Variants in CLEC4C observed in about 807,000 individuals in gnomAD.
CLEC4C encodes C-type lectin domain family 4 member C, also known as C-type (calcium dependent, carbohydrate-recognition domain) lectin, superfamily member 11.
Under a neutral mutation model 27.7 loss-of-function variants are expected in CLEC4C, and 17 were observed. That is an observed-to-expected ratio of 0.61 (90% CI 0.42 to 0.92). CLEC4C has a LOEUF of 0.92. CLEC4C is among the 40% of genes least tolerant of loss of function. The pLI is 0.00. For synonymous variants in CLEC4C, 80 were observed against 80.8 expected (o/e 0.99, Z 0.06); for missense variants, 244 against 257.3 (o/e 0.95, Z 0.35).
chr12:7,748,642 C>T, upstream of CLEC4C, among the ~76,000 whole-genome samples: 1 of 152,132 alleles, frequency 6.6e-6, no homozygotes, highest in East Asian at 1.9e-4. Flanking sequence ...TGTTTGGTCT[C>T]TTGTCTACCT....
At chr12:7,735,740 T>C (rs1163953351) in intron 4 of CLEC4C, among the ~76,000 whole-genome samples, 7 of 150,274 alleles carry the variant, frequency 4.7e-5, no homozygotes, top group Non-Finnish European at 5.9e-5. Context: ...GAGGTGGAGG[T>C]TGCAGTGAGC....
At chr12:7,731,941 G>A (rs753164391) in intron 4 of CLEC4C, among the ~76,000 whole-genome samples, 5 of 152,288 alleles carry the variant, frequency 3.3e-5, no homozygotes, top group Admixed American at 3.3e-4. Context: ...GTGACAGAAT[G>A]AGACTCTGTG....
Position 7,729,699 on chromosome 12 carries a change from C to T in CLEC4C, c.539G>A (p.Cys180Tyr). ...TGAAGAACGGAAATTTATTATCGCA[C>T]AACGCTCATCAAGGTTATTGGGTTC... Reference protein sequence around the residue: ...SGEPNNLDERCAIINFRSSEE... With the variant: ...SGEPNNLDERYAIINFRSSEE... The change falls in exon 6 of 6, where the codon TGT becomes TAT. Residue 180 changes from cysteine (C) to tyrosine (Y), a missense_variant. By Grantham distance (194) the Cys-to-Tyr change is radical. Transcript: ENST00000360345. 6.2e-7 allele frequency: 1 copy of T among 1,613,820 alleles called. No individual in the cohort carries two copies. The highest frequency in any genetic ancestry group is 8.5e-7 in the Non-Finnish European group (1 of 1,179,762).
chr12:7,746,139 C>T lies in CLEC4C; in HGVS notation c.124+192G>A, dbSNP rs775951001. Among the ~76,000 whole-genome samples the T allele has an allele frequency of 2.2e-3, 328 of 146,920 alleles. 4 individuals are homozygous for T. Among genetic ancestry groups the T allele is most frequent in the African/African-American group, 8.0e-3 (315 of 39,234 alleles). On this transcript the variant is annotated intron_variant, in intron 2 of 5. Transcript: ENST00000360345. ...CTGAGGCAGGCGAATGGCATGAACCCGGGAGGTGAGCTTGCAGTGAGCCGA... is the reference window on the plus strand; with the variant it reads ...CTGAGGCAGGCGAATGGCATGAACCTGGGAGGTGAGCTTGCAGTGAGCCGA...
At chr12:7,745,081 A>G (rs1254137803) in intron 2 of CLEC4C, among the ~76,000 whole-genome samples, 4 of 152,120 alleles carry the variant, frequency 2.6e-5, no homozygotes, top group Non-Finnish European at 4.4e-5. Context: ...CACCCATCAA[A>G]GTGGAGTTAT....
In CLEC4C at chr12:7,737,491, T is replaced by C. The variant is rs1275793558; in HGVS notation, c.319A>G (p.Ser107Gly). 1.9e-6 allele frequency: 3 copies of C among 1,614,030 alleles called. No individual in the cohort carries two copies. Among genetic ancestry groups the C allele is most frequent in the Non-Finnish European group, 2.5e-6 (3 of 1,179,972 alleles). The stretch of plus-strand genomic sequence containing the variant: ...CCCATCACAGAACAGTTCTTTTGAC[T>C]CTTAGTCCAAGATTGCATCCCAGTA... ...ISTGMQSWTK[S>G]QKNCSVMGAD... The change falls in exon 4 of 6, where the codon AGT becomes GGT. Residue 107 changes from serine (S) to glycine (G), a missense_variant. Transcript: ENST00000360345.
chr12:7,737,110 C>T (rs975926268), intron 4 of CLEC4C, among the ~76,000 whole-genome samples: 5 of 150,986 alleles, frequency 3.3e-5, no homozygotes, highest in Admixed American at 1.3e-4. Flanking sequence ...ACATGCCTAT[C>T]CTCCCAGCTA....
At position 7,729,607 on chromosome 12, in the gene CLEC4C, T is replaced by A; in HGVS notation, c.631A>T (p.Ile211Phe). The A allele has an allele frequency of 6.2e-7, 1 of 1,613,864 alleles. No individual in the cohort carries two copies. Among genetic ancestry groups the A allele is most frequent in the Non-Finnish European group, 8.5e-7 (1 of 1,179,902 alleles). ...PQKSICKMKK[I>F]YI is the part of the protein sequence containing the mutation. The stretch of plus-strand genomic sequence containing the variant: ...GGAGAATATTTCATTTATATGTAGA[T>A]CTTCTTCATCTTGCAAATTGACTTC... Residue 211 changes from isoleucine (I) to phenylalanine (F), a missense_variant, in exon 6 of 6, where the codon ATC (isoleucine) becomes TTC (phenylalanine). Physicochemically the swap from Ile to Phe is conservative, Grantham distance 21. Transcript: ENST00000360345.
Position 7,746,588 on chromosome 12 carries a change from C to A in CLEC4C, c.32-165G>T, listed in dbSNP as rs764012862. Among the ~76,000 whole-genome samples, 3 of 152,296 alleles carry A rather than the reference C, an allele frequency of 2.0e-5. No individual in the cohort carries two copies. In the South Asian group the frequency reaches 6.2e-4, roughly 32 times the overall value. On this transcript the variant is annotated intron_variant, in intron 1 of 5. Coordinates refer to ENST00000360345, the MANE Select transcript of CLEC4C (RefSeq NM_001371390.1). ...AGAGATTATAGAAATTATCTCAGAACAAATGACCAGATAGTACCCTGGAAC... is the reference window on the plus strand; with the variant it reads ...AGAGATTATAGAAATTATCTCAGAAAAAATGACCAGATAGTACCCTGGAAC...
chr12:7,740,606 C>G (rs1353849268), intron 3 of CLEC4C, among the ~76,000 whole-genome samples: 1 of 151,542 alleles, frequency 6.6e-6, no homozygotes. Flanking sequence ...GAGGCCGAGG[C>G]AGGAGAACTG....
chr12:7,741,525 T>C lies in CLEC4C; in HGVS notation c.131A>G (p.His44Arg). 2 of 1,564,460 alleles carry C rather than the reference T, an allele frequency of 1.3e-6. No individual in the cohort carries two copies. The highest frequency in any genetic ancestry group is 4.5e-5 in the East Asian group (2 of 44,474). Reference sequence around the variant, plus strand: ...GACAGTTTTGCTATACATAAAATTGTGAGGCACTGGGAAAGAGAAATCGGA... The same window carrying C: ...GACAGTTTTGCTATACATAAAATTGCGAGGCACTGGGAAAGAGAAATCGGA... ...VCFTVSSVVP[H>R]NFMYSKTVKR... The change falls in exon 3 of 6, where the codon CAC becomes CGC. Residue 44 changes from histidine to arginine, a missense_variant. Physicochemically the swap from His to Arg is conservative, Grantham distance 29. Coordinates refer to ENST00000360345, the MANE Select transcript of CLEC4C (RefSeq NM_001371390.1).
chr12:7,732,820 G>T (rs998189692), intron 4 of CLEC4C, among the ~76,000 whole-genome samples: 1 of 150,836 alleles, frequency 6.6e-6, no homozygotes, highest in Non-Finnish European at 1.5e-5. Flanking sequence ...AATTAGCCGG[G>T]CATGGTGGCA....
At chr12:7,739,544 CCCTGAT>C (rs1864806700) in intron 3 of CLEC4C, among the ~76,000 whole-genome samples, 1 of 152,140 alleles carries the variant, frequency 6.6e-6, no homozygotes, top group Admixed American at 6.6e-5. Flanking sequence ...TGTAGGCAGT[CCCTGAT>C]CCTGGACACA....
At position 7,729,399 on chromosome 12, in the gene CLEC4C, A is replaced by AT; in HGVS notation, c.*196dup. The AT allele has an allele frequency of 1.8e-6, 1 of 561,684 alleles. No individual in the cohort carries two copies. The allele number at this position is 561,684 out of a possible 1,614,324, so 34.8% of individuals were successfully genotyped here. A position where few individuals can be genotyped will look rare whatever the true frequency, so the allele number is the denominator to read the frequency against. On this transcript the variant is annotated 3_prime_UTR_variant, in exon 6 of 6. Transcript: ENST00000360345. ...ATAGAAAAATGTTCACTAAACACTCATTTTATGAATGAATAAATGAATAAA... is the reference window on the plus strand; with the variant it reads ...ATAGAAAAATGTTCACTAAACACTCATTTTTATGAATGAATAAATGAATAAA...
At chr12:7,730,683 C>G (rs922028278) in intron 5 of CLEC4C, 114 bp downstream of exon 5, 35 of 574,376 alleles carry the variant, frequency 6.1e-5, no homozygotes, top group African/African-American at 5.9e-4. Flanking sequence ...TCAAATAGAC[C>G]TAGGTTTTAA....
intron 2 of CLEC4C, among the ~76,000 whole-genome samples, chr12:7,743,796 G>A (rs1364222237): frequency 6.6e-6 from 1 of 152,052 alleles, no homozygotes; most frequent in Non-Finnish European, 1.5e-5. Flanking sequence ...TAACCATCTT[G>A]TATTAGTCCG....
At chr12:7,738,690 C>T (rs1864782238) in intron 3 of CLEC4C, among the ~76,000 whole-genome samples, 1 of 151,962 alleles carries the variant, frequency 6.6e-6, no homozygotes, top group African/African-American at 2.4e-5. Context: ...TTTGTAGAGA[C>T]AGAGTCTTGC....
chr12:7,746,913 C>T (rs905289474), intron 1 of CLEC4C, among the ~76,000 whole-genome samples: 1 of 152,210 alleles, frequency 6.6e-6, no homozygotes, highest in African/African-American at 2.4e-5. Flanking sequence ...CAACCTCCGC[C>T]TCCCAGGTTC....
chr12:7,746,569 T>G, intron 1 of CLEC4C, 146 bp from the exon 2 acceptor site: 1 of 596,432 alleles, frequency 1.7e-6, no homozygotes, highest in Non-Finnish European at 3.0e-6. Context: ...AAAAAGAGAT[T>G]ATAGAAATTA....
Sources: gnomAD v4.1 joint callset for allele counts (sites outside exome capture counted in the v4.1 genomes callset) on GRCh38, gnomAD v4.1.1 for gene constraint, MANE v1.5 for transcripts, NCBI Gene and HGNC (gene_info 2026-07-23, HGNC 2026-07-21) for gene names.